The following CFAP47 variants were observed in gnomAD, a reference collection of about 807,000 sequenced individuals.
The protein encoded by CFAP47 is cilia and flagella associated protein 47.
A neutral mutation model predicts 148.1 loss-of-function variants in CFAP47; 29 were observed. The ratio of observed to expected loss-of-function variants is 0.20; its 90% CI spans 0.15 to 0.27. The LOEUF (loss-of-function observed/expected upper bound fraction) is 0.27. CFAP47 is among the 10% of genes least tolerant of loss of function. The pLI is 1.00. For missense variants in CFAP47, 1,872 were observed against 1,697.5 expected (o/e 1.10, Z -1.81); for synonymous variants, 664 against 577.3 (o/e 1.15, Z -2.15).
intron 15 of CFAP47, among the ~76,000 whole-genome samples, chrX:35,989,096 A>G (rs1461362230): frequency 1.8e-5 from 2 of 112,150 alleles, no homozygotes; most frequent in African/African-American, 6.5e-5. Context: ...TTTGCCTATT[A>G]AAATTGAAAA....
chrX:35,995,620 G>A (rs1198804808), intron 18 of CFAP47, among the ~76,000 whole-genome samples: 1 of 111,345 alleles, frequency 9.0e-6, no homozygotes, highest in Non-Finnish European at 1.9e-5. Flanking sequence ...CAGAGTGTGA[G>A]TAACACCCTA....
chrX:35,973,539 T>A (rs1936525916), intron 13 of CFAP47, among the ~76,000 whole-genome samples: 1 of 111,886 alleles, frequency 8.9e-6, no homozygotes, highest in African/African-American at 3.3e-5. Context: ...ATAGAAAATG[T>A]TCTGTGTATG....
intron 39 of CFAP47, among the ~76,000 whole-genome samples, chrX:36,172,478 T>C (rs1212737665): frequency 9.2e-6 from 1 of 108,759 alleles, no homozygotes; most frequent in African/African-American, 3.4e-5. Flanking sequence ...GTCCCATCAA[T>C]ACCTAATTTA....
chrX:36,377,952 G>A (rs1942040061), intron 62 of CFAP47, among the ~76,000 whole-genome samples: 1 of 111,585 alleles, frequency 9.0e-6, no homozygotes, highest in Non-Finnish European at 1.9e-5. Flanking sequence ...ATAAAGCTAT[G>A]GTTCCAATCC....
In CFAP47 at chrX:36,050,566, G is replaced by A. The variant is rs1456363944; in HGVS notation, c.4217+3503G>A. ...GAGAGACGATTTAGGGTATCTGGCA[G>A]AAGAAATTTCTAAGTGGCAAAGTGT... On this transcript the variant is annotated intron_variant, in intron 26 of 63. Transcript: ENST00000378653. Among the ~76,000 whole-genome samples, 6 of 111,764 alleles carry A rather than the reference G, an allele frequency of 5.4e-5. 1 individual carries two copies. In the East Asian group the frequency reaches 1.7e-3, roughly 31 times the overall value.
chrX:36,071,597 A>C (rs1937753312), intron 27 of CFAP47, among the ~76,000 whole-genome samples: 1 of 112,177 alleles, frequency 8.9e-6, no homozygotes, highest in African/African-American at 3.2e-5. Context: ...CTTACCAAAA[A>C]AATTCATTTA....
At chrX:36,212,773 A>G (rs781867815) in intron 45 of CFAP47, among the ~76,000 whole-genome samples, 7 of 111,508 alleles carry the variant, frequency 6.3e-5, no homozygotes, top group African/African-American at 2.3e-4. Context: ...ATGGCAGAAT[A>G]CAAGCCTCCA....
At chrX:36,098,555 G>A (rs1341135048) in intron 30 of CFAP47, among the ~76,000 whole-genome samples, 2 of 111,442 alleles carry the variant, frequency 1.8e-5, no homozygotes, top group East Asian at 2.8e-4. Flanking sequence ...CTGTGGCTGA[G>A]CTGGCACTCA....
At chrX:36,017,177 A>G (rs1442465432) in intron 22 of CFAP47, among the ~76,000 whole-genome samples, 1 of 111,878 alleles carries the variant, frequency 8.9e-6, no homozygotes, top group Non-Finnish European at 1.9e-5. Context: ...TGTATCAAAG[A>G]GATATCTGCA....
At chrX:36,143,462 G>T (rs1939178383) in intron 35 of CFAP47, among the ~76,000 whole-genome samples, 1 of 111,744 alleles carries the variant, frequency 8.9e-6, no homozygotes, top group African/African-American at 3.3e-5. Context: ...CTCAGATCGT[G>T]TTCAGTTGCT....
At position 36,100,923 on chromosome X, in the gene CFAP47, G is replaced by T. The variant is rs892851927; in HGVS notation, c.5127+1044G>T. Among the ~76,000 whole-genome samples, 3 of 110,567 alleles carry T rather than the reference G, an allele frequency of 2.7e-5. No homozygotes were observed. In the Admixed American group the frequency reaches 2.9e-4, roughly 11 times the overall value. On this transcript the variant is annotated intron_variant, in intron 32 of 63. Coordinates refer to ENST00000378653, the MANE Select transcript of CFAP47 (RefSeq NM_001304548.2). Reference sequence around the variant, plus strand: ...TTCTTCCATGTTGTTCTCTGCTGGGGCCCAGGAGTCCAGGGCCCTCATGTT... The same window carrying T: ...TTCTTCCATGTTGTTCTCTGCTGGGTCCCAGGAGTCCAGGGCCCTCATGTT...
At chrX:36,284,657 T>C (rs1941113636) in intron 50 of CFAP47, among the ~76,000 whole-genome samples, 1 of 111,713 alleles carries the variant, frequency 9.0e-6, no homozygotes, top group Non-Finnish European at 1.9e-5. Context: ...ATGAAAAACC[T>C]TTTCAGTAGA....
Position 35,924,325 on chromosome X carries a change from GTA to G in CFAP47, c.250-1688_250-1687del, listed in dbSNP as rs1189282187. On this transcript the variant is annotated intron_variant, in intron 1 of 63. Transcript: ENST00000378653. ...CATATGTATATATGTACATGTATGT[GTA>G]TATGTGTACATATATGTGTGCATAT... is the stretch of plus-strand genomic sequence containing the variant. Among the ~76,000 whole-genome samples, 75 of 105,699 alleles carry G rather than the reference GTA, an allele frequency of 7.1e-4. 3 individuals are homozygous for G. The highest frequency in any genetic ancestry group is 2.6e-3 in the African/African-American group (72 of 27,646). 91.8% of individuals were successfully genotyped at this position (105,699 alleles called of 115,157 possible). A position where few individuals can be genotyped will look rare whatever the true frequency, so the allele number is the denominator to read the frequency against.
chrX:36,293,706 G>A (rs2146952706), intron 51 of CFAP47, among the ~76,000 whole-genome samples: 1 of 112,134 alleles, frequency 8.9e-6, no homozygotes, highest in Admixed American at 9.5e-5. Context: ...TTCATGCCAA[G>A]AAAGGAGAAC....
At chrX:36,309,398 C>T (rs1340092922) in intron 55 of CFAP47, among the ~76,000 whole-genome samples, 1 of 111,218 alleles carries the variant, frequency 9.0e-6, no homozygotes, top group Non-Finnish European at 1.9e-5. Flanking sequence ...CACTTGTTTT[C>T]TCTTTCAGAA....
At chrX:36,167,307 C>T (rs1185141096) in intron 39 of CFAP47, among the ~76,000 whole-genome samples, 1 of 111,772 alleles carries the variant, frequency 8.9e-6, no homozygotes, top group Non-Finnish European at 1.9e-5. Context: ...CTTCTCTCCT[C>T]AGGGAAAATA....
chrX:36,034,171 AT>A (rs1242289882), intron 23 of CFAP47, among the ~76,000 whole-genome samples: 1 of 111,415 alleles, frequency 9.0e-6, no homozygotes, highest in Admixed American at 9.6e-5. Context: ...TATCTTCACG[AT>A]TTTAAATAGT....
chrX:36,265,355 G>A (rs1241327303), intron 49 of CFAP47, among the ~76,000 whole-genome samples: 1 of 111,819 alleles, frequency 8.9e-6, no homozygotes, highest in African/African-American at 3.3e-5. Context: ...TCTGTGAAGA[G>A]ATTGTTTGAC....
chrX:36,165,089 C>A, intron 39 of CFAP47, among the ~76,000 whole-genome samples: 1 of 111,756 alleles, frequency 8.9e-6, no homozygotes, highest in African/African-American at 3.3e-5. Flanking sequence ...AGCATAATGT[C>A]CTCCAGGTTC....
Sources: gnomAD v4.1 joint callset for allele counts (sites outside exome capture counted in the v4.1 genomes callset) on GRCh38, gnomAD v4.1.1 for gene constraint, MANE v1.5 for transcripts, NCBI Gene and HGNC (gene_info 2026-07-23, HGNC 2026-07-21) for gene names.